Variants in PDGFRA observed in about 807,000 individuals in gnomAD.
PDGFRA encodes platelet-derived growth factor receptor alpha.
PDGFRA carries 25 observed loss-of-function variants against 121.5 expected under a neutral mutation model. That is an observed-to-expected ratio of 0.21 (90% CI 0.15 to 0.29). PDGFRA has a LOEUF of 0.29. Ranked by LOEUF, PDGFRA falls within the 10% of genes least tolerant of loss-of-function variation. The pLI is 1.00. For synonymous variants in PDGFRA, 463 were observed against 494.8 expected, an observed-to-expected ratio of 0.94 and a Z score of 0.85; for missense variants, 1,008 against 1,345.1, an observed-to-expected ratio of 0.75 and a Z score of 3.92.
chr4:54,286,470 C>A lies in PDGFRA; in HGVS notation c.2562+507C>A, dbSNP rs1332028930. Among the ~76,000 whole-genome samples, 3 of 151,964 alleles carry A rather than the reference C, an allele frequency of 2.0e-5. No individual in the cohort carries two copies. The East Asian group carries it at 5.8e-4, about 29-fold the overall frequency. The stretch of plus-strand genomic sequence containing the variant: ...CTCCCAGGTTGAAGCAATTCTCCTG[C>A]CTTAGCCTCCCGAGTAGGTGGGATT... On this transcript the variant is annotated intron_variant, in intron 18 of 22. Coordinates refer to ENST00000257290, the MANE Select transcript of PDGFRA (RefSeq NM_006206.6).
At chr4:54,270,485 GA>G in intron 7 of PDGFRA, 147 bp from the exon 8 acceptor site, 1 of 619,134 alleles carries the variant, frequency 1.6e-6, no homozygotes, top group South Asian at 1.8e-5. Flanking sequence ...TATATATTGA[GA>G]ATTCCAGAAG....
intron 12 of PDGFRA, among the ~76,000 whole-genome samples, chr4:54,275,975 C>T (rs1045713960): frequency 1.3e-5 from 2 of 152,168 alleles, no homozygotes; most frequent in Admixed American, 6.5e-5. Flanking sequence ...ACTGCCTTTG[C>T]GGGACTAACG....
At chr4:54,247,526 A>G (rs1006440563) in intron 1 of PDGFRA, among the ~76,000 whole-genome samples, 20 of 152,000 alleles carry the variant, frequency 1.3e-4, no homozygotes, top group African/African-American at 4.1e-4. Flanking sequence ...ACAACCCTTC[A>G]TGCTAAAAAC....
At chr4:54,285,335 C>T (rs760200428) in intron 16 of PDGFRA, 36 bp from the exon 17 acceptor site, 13 of 841,662 alleles carry the variant, frequency 1.5e-5, no homozygotes, top group South Asian at 5.3e-5. Context: ...TTCCTGCTGC[C>T]TGCCAGCACC....
Position 54,260,407 on chromosome 4 carries a change from T to G in PDGFRA, c.50-688T>G, listed in dbSNP as rs1425871140. Among the ~76,000 whole-genome samples, 141 of 90,248 alleles carry G rather than the reference T, an allele frequency of 1.6e-3. 1 individual carries two copies. Among genetic ancestry groups the G allele is most frequent in the African/African-American group, 5.4e-3 (126 of 23,384 alleles). 59.2% of individuals were successfully genotyped at this position (90,248 alleles called of 152,430 possible). A position where few individuals can be genotyped will look rare whatever the true frequency, so the allele number is the denominator to read the frequency against. On this transcript the variant is annotated intron_variant, in intron 2 of 22. Transcript: ENST00000257290. The stretch of plus-strand genomic sequence containing the variant: ...TCTTATTCCATGTGGGTTTTTTTTT[T>G]TTTTTTTTTTTTTTTTTTTGAGACA...
chr4:54,239,135 C>A (rs1433343837), intron 1 of PDGFRA, among the ~76,000 whole-genome samples: 1 of 152,208 alleles, frequency 6.6e-6, no homozygotes, highest in Admixed American at 6.5e-5. Context: ...AAAAGACACT[C>A]CCACCAGTGC....
chr4:54,265,119 C>T (rs897675904), intron 5 of PDGFRA, 70 bp downstream of exon 5: 43 of 1,440,536 alleles, frequency 3.0e-5, no homozygotes, highest in Middle Eastern at 1.8e-4. Context: ...CATTTGAGCT[C>T]GGTCTGTCAC....
At chr4:54,241,804 C>T (rs1721316370) in intron 1 of PDGFRA, among the ~76,000 whole-genome samples, 1 of 152,138 alleles carries the variant, frequency 6.6e-6, no homozygotes, top group South Asian at 2.1e-4. Context: ...CCACCTTGGC[C>T]TCCCAAGGTG....
At chr4:54,240,199 G>A (rs1721226820) in intron 1 of PDGFRA, 1 of 196,680 alleles carries the variant, frequency 5.1e-6, no homozygotes, top group African/African-American at 2.4e-5. Flanking sequence ...CTGCTCTTCA[G>A]GCTGAAATTC....
intron 8 of PDGFRA, among the ~76,000 whole-genome samples, chr4:54,271,188 G>A (rs986785861): frequency 2.0e-5 from 3 of 152,140 alleles, no homozygotes; most frequent in African/African-American, 4.8e-5. Flanking sequence ...TTTGCTACAA[G>A]TTTTCCTTAT....
At chr4:54,239,678 G>A (rs1032677141) in intron 1 of PDGFRA, among the ~76,000 whole-genome samples, 2 of 152,152 alleles carry the variant, frequency 1.3e-5, no homozygotes, top group South Asian at 2.1e-4. Flanking sequence ...GGACAGATGG[G>A]AAAGTGGCTG....
intron 12 of PDGFRA, among the ~76,000 whole-genome samples, chr4:54,276,176 C>T (rs1723709279): frequency 6.6e-6 from 1 of 152,074 alleles, no homozygotes; most frequent in Admixed American, 6.5e-5. Flanking sequence ...GCATCAGCTC[C>T]CTATAATTTC....
chr4:54,250,158 CAGATCAT>C (rs1345401788), intron 1 of PDGFRA, among the ~76,000 whole-genome samples: 2 of 152,132 alleles, frequency 1.3e-5, no homozygotes, highest in Admixed American at 1.3e-4. Context: ...AGAAAAGTGA[CAGATCAT>C]TTGGAAACCC....
chr4:54,263,265 A>C (rs1722852578), intron 3 of PDGFRA, among the ~76,000 whole-genome samples: 2 of 152,060 alleles, frequency 1.3e-5, no homozygotes. Context: ...AGTTGTTTAA[A>C]TTTTGATTTA....
At chr4:54,278,779 T>A (rs1218674873) in intron 15 of PDGFRA, 1 of 615,168 alleles carries the variant, frequency 1.6e-6, no homozygotes, top group Admixed American at 2.1e-5. Context: ...GGAGCTCTTC[T>A]GCTATTTACA....
At chr4:54,268,355 G>A (rs1236638413) in intron 7 of PDGFRA, among the ~76,000 whole-genome samples, 1 of 152,178 alleles carries the variant, frequency 6.6e-6, no homozygotes, top group Admixed American at 6.5e-5. Flanking sequence ...CATCTACAAT[G>A]TAGGATAAAC....
intron 1 of PDGFRA, among the ~76,000 whole-genome samples, chr4:54,246,781 G>C (rs1349699359): frequency 2.0e-5 from 3 of 151,668 alleles, no homozygotes; most frequent in Admixed American, 6.6e-5. Flanking sequence ...TCCAGGAGCT[G>C]GTTTTTTGAA....
At chr4:54,249,646 T>C (rs1325874196) in intron 1 of PDGFRA, among the ~76,000 whole-genome samples, 1 of 151,020 alleles carries the variant, frequency 6.6e-6, no homozygotes, top group African/African-American at 2.4e-5. Flanking sequence ...GGGGTGGGGG[T>C]AGTGGGGAGG....
chr4:54,256,150 A>G (rs924026321), intron 1 of PDGFRA, among the ~76,000 whole-genome samples: 4 of 152,160 alleles, frequency 2.6e-5, no homozygotes, highest in African/African-American at 7.2e-5. Context: ...TGGGAGGCCA[A>G]CGCAGGAGGA....
Sources: gnomAD v4.1 joint callset for allele counts (sites outside exome capture counted in the v4.1 genomes callset) on GRCh38, gnomAD v4.1.1 for gene constraint, MANE v1.5 for transcripts, NCBI Gene and HGNC (gene_info 2026-07-23, HGNC 2026-07-21) for gene names.